CFAP20DC: variants seen among roughly 807,000 people sequenced by gnomAD.
CFAP20DC encodes protein CFAP20DC.
Under a neutral mutation model 101.7 loss-of-function variants are expected in CFAP20DC, and 84 were observed. That is an observed-to-expected ratio of 0.83 (90% CI 0.69 to 0.99). The LOEUF is 0.99. Ranked by LOEUF, CFAP20DC falls within the 50% of genes least tolerant of loss-of-function variation. CFAP20DC has a pLI of 0.00. For synonymous variants in CFAP20DC, 359 were observed against 351.2 expected, an observed-to-expected ratio of 1.02 and a Z score of -0.25; for missense variants, 1,007 against 970.3, an observed-to-expected ratio of 1.04 and a Z score of -0.50.
chr3:58,927,964 A>T (rs1009980973), intron 5 of CFAP20DC, among the ~76,000 whole-genome samples: 1 of 152,232 alleles, frequency 6.6e-6, no homozygotes, highest in Admixed American at 6.5e-5. Flanking sequence ...AAGTTTTCAA[A>T]CCAAATTTCT....
intron 12 of CFAP20DC, among the ~76,000 whole-genome samples, chr3:58,855,367 G>C (rs1459996211): frequency 6.6e-6 from 1 of 152,092 alleles, no homozygotes; most frequent in Non-Finnish European, 1.5e-5. Flanking sequence ...GGAGAAATAG[G>C]AACACTTTTA....
chr3:58,985,411 G>GT (rs1010307709), intron 4 of CFAP20DC, among the ~76,000 whole-genome samples: 11 of 151,150 alleles, frequency 7.3e-5, no homozygotes, highest in East Asian at 3.9e-4. Flanking sequence ...ACCATATCTA[G>GT]TTTTTTTTTC....
At chr3:58,750,337 G>A (rs181944766) in intron 16 of CFAP20DC, among the ~76,000 whole-genome samples, 1 of 152,124 alleles carries the variant, frequency 6.6e-6, no homozygotes, top group African/African-American at 2.4e-5. Context: ...CTCTGATAGA[G>A]GTATGATGGC....
At chr3:58,842,277 C>A (rs1289281973) in intron 13 of CFAP20DC, among the ~76,000 whole-genome samples, 1 of 152,140 alleles carries the variant, frequency 6.6e-6, no homozygotes, top group Non-Finnish European at 1.5e-5. Flanking sequence ...CTAGGGAGTG[C>A]CAGACAGTGG....
intron 3 of CFAP20DC, among the ~76,000 whole-genome samples, chr3:58,725,484 C>CT: frequency 6.6e-6 from 1 of 152,318 alleles, no homozygotes; most frequent in South Asian, 2.1e-4. Context: ...CAGTAACAGT[C>CT]TGACTGTAAC....
chr3:59,013,119 C>T (rs139026930), intron 4 of CFAP20DC, among the ~76,000 whole-genome samples: 5 of 152,280 alleles, frequency 3.3e-5, no homozygotes, highest in African/African-American at 9.6e-5. Context: ...ATGCTCTCTT[C>T]GGAGTCCCAG....
intron 16 of CFAP20DC, among the ~76,000 whole-genome samples, chr3:58,750,349 C>T (rs2068481966): frequency 6.6e-6 from 1 of 152,142 alleles, no homozygotes; most frequent in African/African-American, 2.4e-5. Context: ...TATGATGGCT[C>T]AGCACATCAC....
At chr3:58,999,724 C>T (rs1407863827) in intron 4 of CFAP20DC, among the ~76,000 whole-genome samples, 1 of 151,506 alleles carries the variant, frequency 6.6e-6, no homozygotes, top group Admixed American at 6.6e-5. Flanking sequence ...AATACAGTTT[C>T]AACTCTGAAA....
intron 14 of CFAP20DC, among the ~76,000 whole-genome samples, chr3:58,814,143 A>C (rs1206784380): frequency 1.3e-5 from 2 of 151,918 alleles, no homozygotes; most frequent in Non-Finnish European, 2.9e-5. Flanking sequence ...ATGACTCTCT[A>C]AGCATCACAG....
At chr3:58,830,528 A>G (rs2076326503) in intron 14 of CFAP20DC, among the ~76,000 whole-genome samples, 1 of 152,190 alleles carries the variant, frequency 6.6e-6, no homozygotes, top group African/African-American at 2.4e-5. Context: ...ATCTACAAAG[A>G]TGTTGGAGAC....
chr3:58,898,334 C>G (rs550564454), intron 6 of CFAP20DC, among the ~76,000 whole-genome samples: 1 of 151,968 alleles, frequency 6.6e-6, no homozygotes, highest in South Asian at 2.1e-4. Flanking sequence ...ATCAGCATGC[C>G]CGGCTAATTT....
At chr3:58,823,267 A>G (rs2075814237) in intron 14 of CFAP20DC, among the ~76,000 whole-genome samples, 1 of 152,158 alleles carries the variant, frequency 6.6e-6, no homozygotes, top group Non-Finnish European at 1.5e-5. Context: ...CCTCCCCTAC[A>G]ATATGCTTAT....
chr3:58,908,840 G>A lies in CFAP20DC; in HGVS notation c.550+4868C>T, dbSNP rs57029783. 2.7e-3 allele frequency among the ~76,000 whole-genome samples: 418 copies of A among 152,096 alleles called. 1 individual carries two copies. Among genetic ancestry groups the A allele is most frequent in the African/African-American group, 9.4e-3 (392 of 41,498 alleles). On this transcript the variant is annotated intron_variant, in intron 6 of 16. Coordinates refer to ENST00000482387, the MANE Select transcript of CFAP20DC (RefSeq NM_001394063.1). ...GTGTTAAAAAGAATTGAGCTATGAC[G>A]GCATTAACAGATATGGAGGGACCTT...
At chr3:58,999,034 C>T (rs1042269591) in intron 4 of CFAP20DC, among the ~76,000 whole-genome samples, 1 of 152,164 alleles carries the variant, frequency 6.6e-6, no homozygotes, top group African/African-American at 2.4e-5. Flanking sequence ...GACTGAGACA[C>T]CTAGGGAAAG....
intron 15 of CFAP20DC, among the ~76,000 whole-genome samples, chr3:58,761,608 A>G (rs983498461): frequency 3.6e-4 from 54 of 152,028 alleles, no homozygotes; most frequent in Non-Finnish European, 6.9e-4. Context: ...TTGCTTCTCT[A>G]GTTCTTTTAA....
chr3:58,828,822 C>T (rs1281740916), intron 14 of CFAP20DC, among the ~76,000 whole-genome samples: 1 of 151,172 alleles, frequency 6.6e-6, no homozygotes, highest in Non-Finnish European at 1.5e-5. Context: ...AAAAAAAGTG[C>T]ATAATCTGTC....
chr3:58,936,843 C>T (rs2087723320), intron 5 of CFAP20DC, among the ~76,000 whole-genome samples: 1 of 151,744 alleles, frequency 6.6e-6, no homozygotes. Flanking sequence ...TTACTGGGTG[C>T]AGCACACCAG....
chr3:58,791,868 T>C (rs767622050), intron 15 of CFAP20DC, among the ~76,000 whole-genome samples: 5 of 152,316 alleles, frequency 3.3e-5, no homozygotes, highest in Non-Finnish European at 7.4e-5. Flanking sequence ...ATGTAAATGT[T>C]CTTGCCAAGA....
In CFAP20DC at chr3:58,863,722, T is replaced by C. The variant is rs2079442260; in HGVS notation, c.1429A>G (p.Ile477Val). 1.9e-6 allele frequency: 3 copies of C among 1,614,160 alleles called. No individual in the cohort carries two copies. Among genetic ancestry groups the C allele is most frequent in the South Asian group, 1.1e-5 (1 of 91,086 alleles). The change falls in exon 12 of 17, where the codon ATT becomes GTT. Residue 477 changes from isoleucine (I) to valine (V), a missense_variant. Ile to Val is a conservative substitution (Grantham distance 29). Coordinates refer to ENST00000482387, the MANE Select transcript of CFAP20DC (RefSeq NM_001394063.1). This position sits in a 1 kb window ranked among gnomAD's most constrained non-coding sequence, Gnocchi z 5.9. ...CGTGGTCTTGATGAAAAAGTGAAAA[T>C]GTCCTTTGGAACACTCTGGGATTCC... ...AEESQSVPKD[I>V]FTFSSRPRSA... is the part of the protein sequence containing the mutation.
Sources: allele counts gnomAD v4.1 joint callset (sites outside exome capture counted in the v4.1 genomes callset), GRCh38; gene constraint gnomAD v4.1.1; non-coding constraint Gnocchi (gnomAD v3.1); transcripts MANE v1.5; gene names NCBI Gene and HGNC (gene_info 2026-07-23, HGNC 2026-07-21).